The following METTL15 variants were observed in gnomAD, a reference collection of about 807,000 sequenced individuals.
The protein encoded by METTL15 is methyltransferase 15, mitochondrial 12S rRNA N4-cytidine, also known as 12S rRNA N(4)-cytidine methyltransferase METTL15.
Under a neutral mutation model 38.3 loss-of-function variants are expected in METTL15, and 34 were observed. The ratio of observed to expected loss-of-function variants is 0.89; its 90% CI spans 0.68 to 1.18. The LOEUF is 1.18. METTL15 is among the 50% of genes most tolerant of loss of function. The pLI, the probability that METTL15 is intolerant of heterozygous loss-of-function variation, is 0.00. For synonymous variants in METTL15, 162 were observed against 170.9 expected, an observed-to-expected ratio of 0.95 and a Z score of 0.41; for missense variants, 438 against 498.4, an observed-to-expected ratio of 0.88 and a Z score of 1.15.
intron 5 of METTL15, among the ~76,000 whole-genome samples, chr11:28,363,949 A>G (rs890246891): frequency 1.1e-4 from 17 of 151,928 alleles, no homozygotes; most frequent in Non-Finnish European, 1.6e-4. Context: ...TCCTTTCTCT[A>G]TTGCTTGTTT....
rs757667608 is a variant in METTL15, at chr11:28,296,864, A to C, written c.711A>C (p.Ser237=). 6.2e-7 allele frequency: 1 copy of C among 1,613,626 alleles called. No homozygotes were observed. Among genetic ancestry groups the C allele is most frequent in the South Asian group, 1.1e-5 (1 of 91,080 alleles). ...GEEKHAKKIA[S]AIVQARSIYP... The stretch of plus-strand genomic sequence containing the variant: ...AGAAGCATGCCAAGAAAATCGCTTC[A>C]GCAATTGTTCAGGCACGCAGCATCT... The change falls in exon 6 of 7, where the codon TCA becomes TCC. Residue 237 remains serine, a synonymous_variant. Transcript: ENST00000407364.
At chr11:28,141,352 A>G (rs1849692592) in intron 3 of METTL15, among the ~76,000 whole-genome samples, 1 of 152,100 alleles carries the variant, frequency 6.6e-6, no homozygotes, top group Non-Finnish European at 1.5e-5. Context: ...GAGTCTGAAA[A>G]ATATCTGAAA....
intron 4 of METTL15, among the ~76,000 whole-genome samples, chr11:28,271,028 G>C (rs945915644): frequency 6.6e-6 from 1 of 151,992 alleles, no homozygotes; most frequent in Non-Finnish European, 1.5e-5. Context: ...ACATAGTAAG[G>C]GTTCAATAAA....
intron 4 of METTL15, among the ~76,000 whole-genome samples, chr11:28,354,438 AGAG>A (rs1850072704): frequency 6.6e-6 from 1 of 152,224 alleles, no homozygotes; most frequent in Admixed American, 6.5e-5. Flanking sequence ...ATACTAAGAC[AGAG>A]AGGAACCTAA....
intron 6 of METTL15, among the ~76,000 whole-genome samples, chr11:28,448,192 C>T (rs561457495): frequency 6.6e-6 from 1 of 152,194 alleles, no homozygotes; most frequent in South Asian, 2.1e-4. Flanking sequence ...ATGGTAGAGC[C>T]CCTCTTATAC....
intron 4 of METTL15, among the ~76,000 whole-genome samples, chr11:28,252,461 A>G (rs892100842): frequency 1.2e-4 from 19 of 152,184 alleles, no homozygotes; most frequent in Admixed American, 3.3e-4. Context: ...AAGAGATACA[A>G]TGAAACATTA....
intron 3 of METTL15, among the ~76,000 whole-genome samples, chr11:28,195,427 T>C (rs1010369961): frequency 6.6e-6 from 1 of 152,106 alleles, no homozygotes; most frequent in Non-Finnish European, 1.5e-5. Flanking sequence ...TAAGGTGGTA[T>C]CTCATTGTTA....
intron 6 of METTL15, among the ~76,000 whole-genome samples, chr11:28,457,616 C>T (rs1465312652): frequency 6.6e-6 from 1 of 152,114 alleles, no homozygotes; most frequent in African/African-American, 2.4e-5. Context: ...CTCTGATTCC[C>T]CCACGTCTAG....
chr11:28,242,133 C>T (rs1265350978), intron 4 of METTL15, among the ~76,000 whole-genome samples: 1 of 152,112 alleles, frequency 6.6e-6, no homozygotes, highest in Non-Finnish European at 1.5e-5. Flanking sequence ...TTGAGAATGT[C>T]AGAATCAGGT....
At chr11:28,410,412 A>T (rs1850714501) in intron 5 of METTL15, among the ~76,000 whole-genome samples, 1 of 152,136 alleles carries the variant, frequency 6.6e-6, no homozygotes, top group African/African-American at 2.4e-5. Flanking sequence ...CACATCAAAG[A>T]GACTATACAT....
chr11:28,246,323 T>C (rs1233928427), intron 4 of METTL15, among the ~76,000 whole-genome samples: 3 of 152,130 alleles, frequency 2.0e-5, no homozygotes, highest in Non-Finnish European at 4.4e-5. Flanking sequence ...CAATAAAAAA[T>C]TATTTATCCT....
chr11:28,188,084 T>G (rs1565152160), intron 3 of METTL15, among the ~76,000 whole-genome samples: 1 of 151,312 alleles, frequency 6.6e-6, no homozygotes, highest in Non-Finnish European at 1.5e-5. Flanking sequence ...TTCATTGCCT[T>G]TCTTTCCACT....
At chr11:28,465,116 G>GA (rs1851246150) in intron 6 of METTL15, among the ~76,000 whole-genome samples, 2 of 152,104 alleles carry the variant, frequency 1.3e-5, no homozygotes, top group Admixed American at 1.3e-4. Context: ...TTTCCCCTTG[G>GA]CATTTTCTTA....
chr11:28,195,713 G>T (rs539050652), intron 3 of METTL15, among the ~76,000 whole-genome samples: 1 of 151,922 alleles, frequency 6.6e-6, no homozygotes, highest in South Asian at 2.1e-4. Context: ...TTTTAGTTTA[G>T]TTAGGTCTCA....
chr11:28,409,965 T>A (rs1850710790), intron 5 of METTL15, among the ~76,000 whole-genome samples: 1 of 151,866 alleles, frequency 6.6e-6, no homozygotes, highest in Non-Finnish European at 1.5e-5. Context: ...ATACAAAGAA[T>A]CATAAAGGAT....
chr11:28,141,947 C>T (rs918324068), intron 3 of METTL15, among the ~76,000 whole-genome samples: 3 of 152,122 alleles, frequency 2.0e-5, no homozygotes, highest in African/African-American at 7.2e-5. Context: ...CTAAATTCCT[C>T]CTATGGTTAG....
rs140978667 is a variant in METTL15 at position 28,145,902 on chromosome 11, G to C, written c.270+32298G>C. Reference sequence around the variant, plus strand: ...AATGTAAGCAAGTTTCTATGGGGTAGATGTATGATGATTTTAGGCTTTTCT... The same window carrying C: ...AATGTAAGCAAGTTTCTATGGGGTACATGTATGATGATTTTAGGCTTTTCT... On this transcript the variant is annotated intron_variant, in intron 3 of 6. Transcript: ENST00000407364. Among the ~76,000 whole-genome samples the C allele has an allele frequency of 4.3e-3, 658 of 152,006 alleles. 8 individuals are homozygous for C. Among genetic ancestry groups the C allele is most frequent in the African/African-American group, 0.014 (595 of 41,508 alleles).
intron 3 of METTL15, among the ~76,000 whole-genome samples, chr11:28,149,085 A>G (rs1258823441): frequency 6.6e-6 from 1 of 151,264 alleles, no homozygotes; most frequent in Non-Finnish European, 1.5e-5. Flanking sequence ...AATACACTTT[A>G]TTTTTTCTAT....
At chr11:28,232,141 A>G (rs1853711850) in intron 4 of METTL15, among the ~76,000 whole-genome samples, 1 of 151,946 alleles carries the variant, frequency 6.6e-6, no homozygotes, top group South Asian at 2.1e-4. Flanking sequence ...TCTAAGTTCT[A>G]GAGAGAATTG....
Sources: allele counts gnomAD v4.1 joint callset (sites outside exome capture counted in the v4.1 genomes callset), GRCh38; gene constraint gnomAD v4.1.1; transcripts MANE v1.5; gene names NCBI Gene and HGNC (gene_info 2026-07-23, HGNC 2026-07-21).